The following LZTFL1 variants were observed in gnomAD, a reference collection of about 807,000 sequenced individuals.
The protein encoded by LZTFL1 is leucine zipper transcription factor-like protein 1.
A neutral mutation model predicts 45.9 loss-of-function variants in LZTFL1; 25 were observed. That is an observed-to-expected ratio of 0.54 (90% CI 0.40 to 0.76). LZTFL1 has a LOEUF of 0.76. LZTFL1 is among the 30% of genes least tolerant of loss of function. The pLI, the probability that LZTFL1 is intolerant of heterozygous loss-of-function variation, is 0.00. For missense variants in LZTFL1, 277 were observed against 331.1 expected (o/e 0.84, Z 1.27); for synonymous variants, 93 against 117.4 (o/e 0.79, Z 1.35).
intron 7 of LZTFL1, among the ~76,000 whole-genome samples, chr3:45,829,267 T>A (rs904174184): frequency 2.0e-5 from 3 of 152,160 alleles, no homozygotes; most frequent in African/African-American, 7.2e-5. Flanking sequence ...TTTGTACTGA[T>A]AAGACAGTAA....
chr3:45,853,574 T>C (rs1021398447), intron 4 of LZTFL1, among the ~76,000 whole-genome samples: 29 of 152,218 alleles, frequency 1.9e-4, no homozygotes, highest in Non-Finnish European at 5.9e-5. Flanking sequence ...GCTCTACTGA[T>C]TCGCAAGAAC....
At position 45,836,441 on chromosome 3, in the gene LZTFL1, G is replaced by A. The variant is rs553557625; in HGVS notation, c.129-657C>T. Among the ~76,000 whole-genome samples, 115 of 152,240 alleles carry A rather than the reference G, an allele frequency of 7.6e-4. 1 individual carries two copies. Among genetic ancestry groups the A allele is most frequent in the African/African-American group, 2.6e-3 (110 of 41,534 alleles). On this transcript the variant is annotated intron_variant, in intron 2 of 9. Transcript: ENST00000296135. ...AGGCAGAGGCAGGTGGATCACTTGA[G>A]GTCAGGAGTTCGAGACCAATCTGGC...
intron 2 of LZTFL1, among the ~76,000 whole-genome samples, chr3:45,859,598 G>T (rs1001206022): frequency 6.7e-6 from 1 of 150,272 alleles, no homozygotes; most frequent in East Asian, 1.9e-4. Flanking sequence ...AAAAATTAAC[G>T]AATGAATGAA....
At position 45,882,845 on chromosome 3, in the gene LZTFL1, T is replaced by A. The variant is rs190737577; in HGVS notation, c.-214-23829A>T. ...ATTATTATTATTATTAACATTTTTTTAAAAATTTCTTTTCATAGAATGCAT... is the reference window on the plus strand; with the variant it reads ...ATTATTATTATTATTAACATTTTTTAAAAAATTTCTTTTCATAGAATGCAT... On this transcript the variant is annotated intron_variant, in intron 2 of 4. Coordinates refer to the LZTFL1 transcript ENST00000472635. Among the ~76,000 whole-genome samples the A allele has an allele frequency of 2.0e-3, 294 of 150,674 alleles. 1 individual carries two copies. The highest frequency in any genetic ancestry group is 0.013 in the East Asian group (68 of 5,170).
At chr3:45,833,215 A>C in intron 4 of LZTFL1, 94 bp from the exon 5 acceptor site, 2 of 829,382 alleles carry the variant, frequency 2.4e-6, no homozygotes. Flanking sequence ...AAGATACTAT[A>C]TATAAACATA....
At chr3:45,886,515 C>G (rs565956280) in intron 2 of LZTFL1, 1 of 152,342 alleles carries the variant, frequency 6.6e-6, no homozygotes, top group Admixed American at 6.5e-5. Context: ...CTTCCTTTCT[C>G]GTGTTGTTAT....
chr3:45,840,835 A>G (rs1285753124), intron 1 of LZTFL1, among the ~76,000 whole-genome samples: 1 of 152,238 alleles, frequency 6.6e-6, no homozygotes, highest in African/African-American at 2.4e-5. Flanking sequence ...GGAAACTGTA[A>G]TGATAAAAAT....
intron 2 of LZTFL1, chr3:45,897,763 T>C: frequency 1.6e-6 from 1 of 606,710 alleles, no homozygotes; most frequent in Non-Finnish European, 2.9e-6. Context: ...TGCCTTCTTC[T>C]TTCTTCCTTG....
At chr3:45,833,771 T>C (rs1700895474) in intron 4 of LZTFL1, among the ~76,000 whole-genome samples, 1 of 152,190 alleles carries the variant, frequency 6.6e-6, no homozygotes, top group South Asian at 2.1e-4. Context: ...TGAAGTGGAA[T>C]GGTAAGTGGC....
intron 2 of LZTFL1, among the ~76,000 whole-genome samples, chr3:45,870,496 T>C (rs573753287): frequency 6.6e-6 from 1 of 152,346 alleles, no homozygotes; most frequent in East Asian, 1.9e-4. Context: ...TGTTTGTGGT[T>C]GAACACAGAG....
chr3:45,859,839 G>A (rs1311502111), intron 2 of LZTFL1, among the ~76,000 whole-genome samples: 1 of 152,068 alleles, frequency 6.6e-6, no homozygotes, highest in African/African-American at 2.4e-5. Context: ...GTTTCACCAT[G>A]TTGGCCAGGC....
At chr3:45,878,068 AAAT>A (rs752054162) in intron 2 of LZTFL1, among the ~76,000 whole-genome samples, 5 of 152,150 alleles carry the variant, frequency 3.3e-5, no homozygotes, top group Non-Finnish European at 7.4e-5. Flanking sequence ...TTTAACTGAC[AAAT>A]AATAATTTTA....
intron 2 of LZTFL1, among the ~76,000 whole-genome samples, chr3:45,899,841 C>T (rs1702487499): frequency 6.6e-6 from 1 of 152,164 alleles, no homozygotes; most frequent in Admixed American, 6.5e-5. Context: ...GTCTCATTTC[C>T]AGACCTCATT....
upstream of LZTFL1, among the ~76,000 whole-genome samples, chr3:45,842,536 A>C (rs141517136): frequency 9.3e-3 from 1,414 of 152,248 alleles, 27 homozygotes; most frequent in African/African-American, 0.032. Context: ...CAGGCCAACA[A>C]CACCAATGCC....
intron 2 of LZTFL1, among the ~76,000 whole-genome samples, chr3:45,871,655 C>T (rs917679949): frequency 4.1e-5 from 6 of 145,686 alleles, no homozygotes; most frequent in African/African-American, 1.6e-4. Context: ...AGAAAAAAGT[C>T]TGTGGTATGT....
At chr3:45,890,489 GC>G (rs1460510096) in intron 2 of LZTFL1, among the ~76,000 whole-genome samples, 1 of 147,920 alleles carries the variant, frequency 6.8e-6, no homozygotes, top group African/African-American at 2.5e-5. Context: ...TTCATCTGGG[GC>G]AAAAAAAAGA....
Position 45,828,807 on chromosome 3 carries a change from G to A in LZTFL1, c.601-192C>T, listed in dbSNP as rs528822744. Among the ~76,000 whole-genome samples, 4 of 152,258 alleles carry A rather than the reference G, an allele frequency of 2.6e-5. No homozygotes were observed. The South Asian group carries it at 6.2e-4, about 24-fold the overall frequency. ...AGCAGGCCAGTCCATTGTCAGCCCT[G>A]GGTACGTGGTGTCTTGCACACAGCC... On this transcript the variant is annotated intron_variant, in intron 7 of 9. Transcript: ENST00000296135.
Position 45,896,942 on chromosome 3 carries a change from G to A in LZTFL1, c.-215+16178C>T, listed in dbSNP as rs140155356. The stretch of plus-strand genomic sequence containing the variant: ...GGCTGAGGATTTCCAGAGAACACAT[G>A]AGCCAGAGAAGGAGGCCCTGGAAAG... On this transcript the variant is annotated intron_variant, in intron 2 of 4. Coordinates refer to the LZTFL1 transcript ENST00000472635. Among the ~76,000 whole-genome samples, 1,404 of 152,302 alleles carry A rather than the reference G, an allele frequency of 9.2e-3. 25 individuals are homozygous for A. Among genetic ancestry groups the A allele is most frequent in the African/African-American group, 0.032 (1,326 of 41,558 alleles).
intron 1 of LZTFL1, among the ~76,000 whole-genome samples, chr3:45,914,618 C>T (rs2171530): frequency 0.36 from 55,354 of 152,024 alleles, 12,568 homozygotes; most frequent in African/African-American, 0.65. Context: ...AGCAAGAGAA[C>T]CTTCTCCTAA....
Sources: allele counts gnomAD v4.1 joint callset (sites outside exome capture counted in the v4.1 genomes callset), GRCh38; gene constraint gnomAD v4.1.1; transcripts MANE v1.5; gene names NCBI Gene and HGNC (gene_info 2026-07-23, HGNC 2026-07-21).